Variants in LOXL2 observed in about 807,000 individuals in gnomAD.
LOXL2 encodes the protein lysyl oxidase like 2.
LOXL2 carries 70 observed loss-of-function variants against 93.0 expected under a neutral mutation model. That is an observed-to-expected ratio of 0.75 (90% CI 0.62 to 0.92). LOXL2 has a LOEUF of 0.92. LOXL2 is among the 40% of genes least tolerant of loss of function. The probability of loss-of-function intolerance (pLI) is 0.00; values close to 1 mark genes in which losing one functional copy is unlikely to be tolerated. For synonymous variants in LOXL2, 438 were observed against 413.2 expected, an observed-to-expected ratio of 1.06 and a Z score of -0.73; for missense variants, 973 against 1,054.9, an observed-to-expected ratio of 0.92 and a Z score of 1.08.
intron 1 of LOXL2, among the ~76,000 whole-genome samples, chr8:23,388,754 T>C (rs1334005274): frequency 6.6e-6 from 1 of 151,964 alleles, no homozygotes; most frequent in Non-Finnish European, 1.5e-5. Flanking sequence ...TCTCATATAC[T>C]GTATACATTA....
At chr8:23,393,989 A>G (rs1800054427) in intron 1 of LOXL2, among the ~76,000 whole-genome samples, 2 of 152,256 alleles carry the variant, frequency 1.3e-5, no homozygotes, top group African/African-American at 4.8e-5. Flanking sequence ...CACTGTCAAG[A>G]AAGGGAAAAG....
intron 1 of LOXL2, among the ~76,000 whole-genome samples, chr8:23,401,230 T>C (rs1209107192): frequency 6.6e-6 from 1 of 152,122 alleles, no homozygotes; most frequent in Non-Finnish European, 1.5e-5. Context: ...TCAAATGACA[T>C]AGTGGACAGA....
At chr8:23,366,911 G>C (rs924333893) in intron 2 of LOXL2, among the ~76,000 whole-genome samples, 1 of 152,312 alleles carries the variant, frequency 6.6e-6, no homozygotes, top group African/African-American at 2.4e-5. Flanking sequence ...ACTTCCAGAT[G>C]GGGAAAATGA....
Position 23,356,465 on chromosome 8 carries a change from G to A in LOXL2, c.531+3625C>T, listed in dbSNP as rs571360813. 7.0e-4 allele frequency among the ~76,000 whole-genome samples: 107 copies of A among 152,186 alleles called. 1 individual carries two copies. The highest frequency in any genetic ancestry group is 1.4e-3 in the Non-Finnish European group (95 of 68,030). Reference sequence around the variant, plus strand: ...AATATCCCACGTAGGTGGTCCAGGCGGTTCTCTACCCATCAGGCCAGCACT... The same window carrying A: ...AATATCCCACGTAGGTGGTCCAGGCAGTTCTCTACCCATCAGGCCAGCACT... On this transcript the variant is annotated intron_variant, in intron 3 of 13. Coordinates refer to ENST00000389131, the MANE Select transcript of LOXL2 (RefSeq NM_002318.3).
At chr8:23,363,593 C>CA (rs2117208474) in intron 2 of LOXL2, 1 of 152,334 alleles carries the variant, frequency 6.6e-6, no homozygotes, top group East Asian at 1.9e-4. Flanking sequence ...CAGTGGCACC[C>CA]TATTCCATCT....
At chr8:23,351,641 T>C (rs1156457858) in intron 3 of LOXL2, among the ~76,000 whole-genome samples, 1 of 152,240 alleles carries the variant, frequency 6.6e-6, no homozygotes, top group African/African-American at 2.4e-5. Flanking sequence ...TTTCAAAGCA[T>C]TGTATCTGCA....
chr8:23,369,981 C>T (rs902298804), intron 1 of LOXL2, among the ~76,000 whole-genome samples: 2 of 152,108 alleles, frequency 1.3e-5, no homozygotes, highest in African/African-American at 4.8e-5. Flanking sequence ...AATCAAGAAC[C>T]AGAGAGGGTT....
At position 23,296,982 on chromosome 8, in the gene LOXL2, C is replaced by T. The variant is rs537933576; in HGVS notation, c.*1061G>A. Among the ~76,000 whole-genome samples the T allele has an allele frequency of 6.6e-6, 1 of 152,146 alleles. No homozygotes were observed. The highest frequency in any genetic ancestry group is 2.4e-5 in the African/African-American group (1 of 41,422). Reference sequence around the variant, plus strand: ...TTGTGATCTCCTTAGATTGCTTCTCCCAGATGGTAGGAGCTGCCCCTTTTG... The same window carrying T: ...TTGTGATCTCCTTAGATTGCTTCTCTCAGATGGTAGGAGCTGCCCCTTTTG... On this transcript the variant is annotated 3_prime_UTR_variant, in exon 14 of 14. Transcript: ENST00000389131.
Position 23,393,342 on chromosome 8 carries a change from G to A in LOXL2, c.-84+10612C>T, listed in dbSNP as rs549932808. Among the ~76,000 whole-genome samples the A allele has an allele frequency of 5.9e-5, 9 of 152,284 alleles. 1 individual carries two copies. In the South Asian group the frequency reaches 1.9e-3, roughly 32 times the overall value. On this transcript the variant is annotated intron_variant, in intron 1 of 13. Coordinates refer to ENST00000389131, the MANE Select transcript of LOXL2 (RefSeq NM_002318.3). ...CAAAAGTCAAGGCAGTATGGTACTG[G>A]GATACGGAGAGACATATAGATCAAT... is the stretch of plus-strand genomic sequence containing the variant.
intron 3 of LOXL2, among the ~76,000 whole-genome samples, chr8:23,353,841 C>G (rs564883994): frequency 6.6e-6 from 1 of 152,228 alleles, no homozygotes; most frequent in African/African-American, 2.4e-5. Context: ...CAGGCCGTCA[C>G]AGCTGGAAGG....
chr8:23,380,820 C>G (rs990299178), intron 1 of LOXL2, among the ~76,000 whole-genome samples: 5 of 152,050 alleles, frequency 3.3e-5, no homozygotes, highest in Admixed American at 6.6e-5. Context: ...AAAGACCAGC[C>G]TGGACAACAT....
At chr8:23,307,960 A>G (rs1391000845) in intron 10 of LOXL2, among the ~76,000 whole-genome samples, 3 of 149,608 alleles carry the variant, frequency 2.0e-5, no homozygotes, top group Admixed American at 1.3e-4. Flanking sequence ...TATGAAAAAA[A>G]AAAAAAAAAA....
intron 4 of LOXL2, chr8:23,336,054 T>G (rs1803785572): frequency 6.6e-6 from 1 of 152,272 alleles, no homozygotes; most frequent in African/African-American, 2.4e-5. Flanking sequence ...GCAAGGCCCC[T>G]GCACTTGGAA....
chr8:23,307,826 C>T (rs1283980861), intron 10 of LOXL2, among the ~76,000 whole-genome samples: 2 of 152,040 alleles, frequency 1.3e-5, no homozygotes, highest in Non-Finnish European at 2.9e-5. Context: ...TTAGGACGTT[C>T]AGAATATTCA....
At chr8:23,382,580 T>C (rs1804695745) in intron 1 of LOXL2, 1 of 151,436 alleles carries the variant, frequency 6.6e-6, no homozygotes, top group Admixed American at 6.6e-5. Context: ...GAGGAGAAAC[T>C]TTCTGACTTT....
At chr8:23,337,844 A>AGCAG (rs1461257494) in intron 4 of LOXL2, among the ~76,000 whole-genome samples, 1 of 152,162 alleles carries the variant, frequency 6.6e-6, no homozygotes, top group Non-Finnish European at 1.5e-5. Context: ...CCAATCAGAG[A>AGCAG]GCAGGCCTTG....
At chr8:23,327,766 A>T (rs1803604272) in intron 6 of LOXL2, among the ~76,000 whole-genome samples, 1 of 152,092 alleles carries the variant, frequency 6.6e-6, no homozygotes, top group Non-Finnish European at 1.5e-5. Context: ...TCTAGCTGCA[A>T]CATCACTTTC....
At chr8:23,395,849 A>T (rs4242398) in intron 1 of LOXL2, among the ~76,000 whole-genome samples, 110,080 of 151,806 alleles carry the variant, frequency 0.73, 40,865 homozygotes, top group African/African-American at 0.88. Flanking sequence ...AATTTTTGTA[A>T]TTTTAGTAGA....
chr8:23,389,011 C>T (rs7841609), intron 1 of LOXL2, among the ~76,000 whole-genome samples: 50,834 of 151,952 alleles, frequency 0.33, 8,788 homozygotes, highest in East Asian at 0.58. Flanking sequence ...CATTGTTAGC[C>T]CTTGAAGCAC....
Sources: allele counts gnomAD v4.1 joint callset (sites outside exome capture counted in the v4.1 genomes callset), GRCh38; gene constraint gnomAD v4.1.1; transcripts MANE v1.5; gene names NCBI Gene and HGNC (gene_info 2026-07-23, HGNC 2026-07-21).